LRFN5: variants seen among roughly 807,000 people sequenced by gnomAD.
The protein encoded by LRFN5 is leucine-rich repeat and fibronectin type-III domain-containing protein 5.
In LRFN5, 24 loss-of-function variants were observed where a neutral mutation model predicts 45.6. The observed-to-expected ratio is 0.53, with a 90% CI of 0.38 to 0.74. The LOEUF is 0.74. LRFN5 is among the 30% of genes least tolerant of loss of function. LRFN5 has a pLI of 0.00. For synonymous variants in LRFN5, 340 were observed against 313.8 expected, an observed-to-expected ratio of 1.08 and a Z score of -0.88; for missense variants, 776 against 861.5, an observed-to-expected ratio of 0.90 and a Z score of 1.24.
intron 1 of LRFN5, among the ~76,000 whole-genome samples, chr14:41,705,446 T>G (rs1883024596): frequency 6.6e-6 from 1 of 152,186 alleles, no homozygotes; most frequent in African/African-American, 2.4e-5. Context: ...TATTTTGCAT[T>G]ATAAAATATT....
intron 2 of LRFN5, among the ~76,000 whole-genome samples, chr14:41,882,519 C>T (rs1448504683): frequency 1.3e-5 from 2 of 152,160 alleles, no homozygotes; most frequent in African/African-American, 4.8e-5. Context: ...TTTCAATTTT[C>T]CTTTCCTTCC....
chr14:41,715,610 A>T (rs1446818169), intron 1 of LRFN5, among the ~76,000 whole-genome samples: 1 of 152,148 alleles, frequency 6.6e-6, no homozygotes, highest in Admixed American at 6.6e-5. Flanking sequence ...ATTTATAAGG[A>T]AAATAAGTTT....
intron 1 of LRFN5, among the ~76,000 whole-genome samples, chr14:41,648,817 G>A (rs190113261): frequency 4.6e-4 from 70 of 151,402 alleles, no homozygotes; most frequent in African/African-American, 1.7e-3. Context: ...TTTATTTGAA[G>A]GACAAACCTT....
At chr14:41,693,891 C>T (rs1882486532) in intron 1 of LRFN5, among the ~76,000 whole-genome samples, 1 of 151,924 alleles carries the variant, frequency 6.6e-6, no homozygotes, top group Non-Finnish European at 1.5e-5. Flanking sequence ...AATGTTAGCC[C>T]TTTATGAGTT....
chr14:41,869,526 C>T (rs544214961), intron 2 of LRFN5, among the ~76,000 whole-genome samples: 11 of 151,784 alleles, frequency 7.2e-5, no homozygotes, highest in South Asian at 4.2e-4. Context: ...AAAATTATAT[C>T]GAGTACTATT....
intron 2 of LRFN5, among the ~76,000 whole-genome samples, chr14:41,801,978 A>G (rs1887351473): frequency 6.6e-6 from 1 of 152,266 alleles, no homozygotes; most frequent in South Asian, 2.1e-4. Flanking sequence ...AATTCCCAGA[A>G]TCTGGAAATT....
chr14:41,819,705 C>T (rs1241780), intron 2 of LRFN5, among the ~76,000 whole-genome samples: 36,888 of 151,838 alleles, frequency 0.24, 5,055 homozygotes, highest in Middle Eastern at 0.36. Flanking sequence ...TTTTAAACAA[C>T]CAGATCTCAT....
intron 4 of LRFN5, 31 bp downstream of exon 4, chr14:41,891,993 C>G: frequency 6.3e-7 from 1 of 1,599,884 alleles, no homozygotes; most frequent in African/African-American, 1.4e-5. Flanking sequence ...GCTGAGAGAT[C>G]CGGAGCAAGG....
At chr14:41,868,536 C>G (rs1244631509) in intron 2 of LRFN5, among the ~76,000 whole-genome samples, 2 of 152,182 alleles carry the variant, frequency 1.3e-5, no homozygotes, top group Non-Finnish European at 1.5e-5. Flanking sequence ...CCAGAGGGCA[C>G]ATAAATATGA....
At chr14:41,677,887 C>T (rs1472729342) in intron 1 of LRFN5, among the ~76,000 whole-genome samples, 3 of 152,058 alleles carry the variant, frequency 2.0e-5, no homozygotes, top group African/African-American at 7.2e-5. Context: ...TCAGGAAGTA[C>T]AATTAACCCT....
intron 1 of LRFN5, among the ~76,000 whole-genome samples, chr14:41,757,147 T>TC (rs1363703038): frequency 6.6e-6 from 1 of 152,174 alleles, no homozygotes; most frequent in Non-Finnish European, 1.5e-5. Context: ...CCCGGCCGTG[T>TC]GAGGTGTCAG....
rs564543191 is a variant in LRFN5, at chr14:41,689,738, CA to C, written c.-196-77109del. On this transcript the variant is annotated intron_variant, in intron 1 of 5. Transcript: ENST00000298119. ...TGAAACCCCGTCTCTACTAAAAATA[CA>C]AAAAAATTAGCCGGGCGTGATGGCG... 9.7e-3 allele frequency among the ~76,000 whole-genome samples: 1,455 copies of C among 150,272 alleles called. 6 individuals are homozygous for C. Among genetic ancestry groups the C allele is most frequent in the East Asian group, 0.02 (103 of 5,108 alleles).
chr14:41,838,147 A>G (rs764685907), intron 2 of LRFN5, among the ~76,000 whole-genome samples: 3 of 152,184 alleles, frequency 2.0e-5, no homozygotes, highest in Admixed American at 6.6e-5. Flanking sequence ...AAACACGGAT[A>G]TGCACTATGT....
At chr14:41,729,209 G>T (rs1884063713) in intron 1 of LRFN5, among the ~76,000 whole-genome samples, 1 of 152,126 alleles carries the variant, frequency 6.6e-6, no homozygotes, top group African/African-American at 2.4e-5. Flanking sequence ...CTTGTGAATG[G>T]CTTAGCACCA....
intron 1 of LRFN5, among the ~76,000 whole-genome samples, chr14:41,703,395 C>A (rs1288279002): frequency 6.6e-6 from 1 of 151,912 alleles, no homozygotes; most frequent in Non-Finnish European, 1.5e-5. Context: ...AAATCAAGAC[C>A]CATGAAGTGA....
intron 1 of LRFN5, among the ~76,000 whole-genome samples, chr14:41,759,179 C>T (rs2138864026): frequency 6.6e-6 from 1 of 152,142 alleles, no homozygotes; most frequent in Non-Finnish European, 1.5e-5. Flanking sequence ...TTAAGTCCTC[C>T]TTCCCAAAAA....
Position 41,767,033 on chromosome 14 carries a change from AGT to A in LRFN5, c.-21+5_-21+6del. The stretch of plus-strand genomic sequence containing the variant: ...AGGAACTCTTCAGGCTCCAGAAGTA[AGT>A]TGATTGCATTCAGTTCAATCATTGT... On this transcript the variant is annotated splice_donor_5th_base_variant and intron_variant, in intron 2 of 5. Coordinates refer to ENST00000298119, the MANE Select transcript of LRFN5 (RefSeq NM_152447.5). 6.6e-6 allele frequency: 1 copy of A among 152,658 alleles called. No homozygotes were observed. The highest frequency in any genetic ancestry group is 1.5e-5 in the Non-Finnish European group (1 of 68,052). The allele number at this position is 152,658 out of a possible 1,614,324, so 9.5% of individuals were successfully genotyped here. A position where few individuals can be genotyped will look rare whatever the true frequency, so the allele number is the denominator to read the frequency against.
At chr14:41,740,569 A>T (rs1346797853) in intron 1 of LRFN5, among the ~76,000 whole-genome samples, 1 of 152,086 alleles carries the variant, frequency 6.6e-6, no homozygotes, top group East Asian at 1.9e-4. Context: ...AATAAAATAC[A>T]TATATTACAA....
intron 2 of LRFN5, among the ~76,000 whole-genome samples, chr14:41,875,457 A>T (rs536427336): frequency 7.9e-5 from 12 of 152,370 alleles, no homozygotes; most frequent in Admixed American, 2.0e-4. Context: ...TACTGGTAGG[A>T]TCCATGGGTT....
Sources: allele counts gnomAD v4.1 joint callset (sites outside exome capture counted in the v4.1 genomes callset), GRCh38; gene constraint gnomAD v4.1.1; transcripts MANE v1.5; gene names NCBI Gene and HGNC (gene_info 2026-07-23, HGNC 2026-07-21).